Variants in HABP4 observed in about 807,000 individuals in gnomAD.
HABP4 encodes hyaluronan binding protein 4, also known as intracellular hyaluronan-binding protein 4.
A neutral mutation model predicts 44.1 loss-of-function variants in HABP4; 32 were observed. The ratio of observed to expected loss-of-function variants is 0.73; its 90% CI spans 0.55 to 0.97. The LOEUF is 0.97. HABP4 is among the 50% of genes least tolerant of loss of function. HABP4 has a pLI of 0.00. For synonymous variants in HABP4, 216 were observed against 218.0 expected (o/e 0.99, Z 0.08); for missense variants, 503 against 561.9 (o/e 0.90, Z 1.06).
chr9:96,465,598 C>G (rs1832586950), intron 3 of HABP4, 100 bp downstream of exon 3: 1 of 1,143,114 alleles, frequency 8.7e-7, no homozygotes, highest in Non-Finnish European at 1.3e-6. Flanking sequence ...TAGTACTGTG[C>G]TGTTATTCTT....
At chr9:96,473,914 C>T (rs1001938500) in intron 5 of HABP4, among the ~76,000 whole-genome samples, 2 of 152,216 alleles carry the variant, frequency 1.3e-5, no homozygotes, top group Non-Finnish European at 2.9e-5. Flanking sequence ...CCCAGCTCTG[C>T]CACTTACTAG....
chr9:96,467,760 A>G (rs1300723530), intron 4 of HABP4, among the ~76,000 whole-genome samples: 3 of 152,200 alleles, frequency 2.0e-5, no homozygotes, highest in Middle Eastern at 3.4e-3. Context: ...TCCTGACCTC[A>G]GGTGATCCAC....
rs994981638 is a variant in HABP4 at position 96,481,043 on chromosome 9, A to G, written c.828-3419A>G. On this transcript the variant is annotated intron_variant, in intron 5 of 7. Coordinates refer to ENST00000375249, the MANE Select transcript of HABP4 (RefSeq NM_014282.4). ...GAACCTTAAATTACATCAGCTCTTC[A>G]GTGAAGATACAGATTTGATTCCCCA... 2.0e-5 allele frequency among the ~76,000 whole-genome samples: 3 copies of G among 152,292 alleles called. No homozygotes were observed. The South Asian group carries it at 6.2e-4, about 32-fold the overall frequency.
chr9:96,473,190 AGGCCTGTGGCTCCATCTGCCTACTG>A (rs1464425250), intron 5 of HABP4, among the ~76,000 whole-genome samples: 2 of 152,188 alleles, frequency 1.3e-5, no homozygotes, highest in Non-Finnish European at 2.9e-5. Context: ...TGTGGGCTCC[AGGCCTGTGGCTCCATCTGCCTACTG>A]GACACTTTCC....
rs766457312 is a variant in HABP4 at position 96,450,271 on chromosome 9, CGCG to C, written c.-3_-1del. On this transcript the variant is annotated 5_prime_UTR_variant, in exon 1 of 8. Coordinates refer to ENST00000375249, the MANE Select transcript of HABP4 (RefSeq NM_014282.4). The surrounding 1 kb of genome is among the most constrained non-coding windows in gnomAD (Gnocchi z 4.8). ...GCTGCCCTCCCGGGCCCGCAGTGGT[CGCG>C]GCGGCATGAAGGGCGCTCTGGGGAG... 16 of 1,432,936 alleles carry C rather than the reference CGCG, an allele frequency of 1.1e-5. No individual in the cohort carries two copies. The Admixed American group carries it at 2.5e-4, about 22-fold the overall frequency. The allele number at this position is 1,432,936 out of a possible 1,614,324, so 88.8% of individuals were successfully genotyped here. A position where few individuals can be genotyped will look rare whatever the true frequency, so the allele number is the denominator to read the frequency against.
chr9:96,481,615 C>G (rs1049489361), intron 5 of HABP4, among the ~76,000 whole-genome samples: 7 of 151,770 alleles, frequency 4.6e-5, no homozygotes, highest in Non-Finnish European at 1.0e-4. Flanking sequence ...CCTGATGGCT[C>G]GTACCTGTAG....
chr9:96,458,586 G>T (rs376667874), intron 2 of HABP4, 45 bp downstream of exon 2: 2 of 1,314,074 alleles, frequency 1.5e-6, no homozygotes, highest in Non-Finnish European at 2.1e-6. Context: ...AACCAGAAAG[G>T]TTTTGAGAAA....
At chr9:96,487,792 T>C (rs1242329595) in intron 6 of HABP4, among the ~76,000 whole-genome samples, 4 of 152,242 alleles carry the variant, frequency 2.6e-5, no homozygotes, top group South Asian at 2.1e-4. Flanking sequence ...GCTCAGCTGA[T>C]AGAAATTTGG....
At chr9:96,456,771 AAAAAAAAAAATATATATATATATATATAT>A (rs1832388738) in intron 1 of HABP4, among the ~76,000 whole-genome samples, 1 of 70,740 alleles carries the variant, frequency 1.4e-5, no homozygotes, top group Non-Finnish European at 2.5e-5. Context: ...AAAAAAAAAA[AAAAAAAAAAATATATATATATATATATAT>A]ATATATATAT....
At chr9:96,472,555 G>C (rs140483287) in intron 5 of HABP4, among the ~76,000 whole-genome samples, 27 of 152,248 alleles carry the variant, frequency 1.8e-4, no homozygotes, top group South Asian at 4.1e-4. Flanking sequence ...TAACCATCGG[G>C]CTGCCATCCC....
intron 2 of HABP4, among the ~76,000 whole-genome samples, chr9:96,461,156 A>G (rs1173507426): frequency 6.6e-6 from 1 of 152,202 alleles, no homozygotes; most frequent in African/African-American, 2.4e-5. Context: ...GAAAACATAA[A>G]AAGTTCTGGA....
At chr9:96,480,585 T>C (rs1203785478) in intron 5 of HABP4, among the ~76,000 whole-genome samples, 2 of 152,236 alleles carry the variant, frequency 1.3e-5, no homozygotes, top group Admixed American at 6.5e-5. Flanking sequence ...ATCTTATATA[T>C]TCATTTTACA....
chr9:96,462,320 A>T (rs1304012430), intron 2 of HABP4, among the ~76,000 whole-genome samples: 1 of 149,920 alleles, frequency 6.7e-6, no homozygotes, highest in Non-Finnish European at 1.5e-5. Flanking sequence ...ATGTGGTGGC[A>T]CACGCCTGTG....
chr9:96,462,598 C>T (rs925153274), intron 2 of HABP4, among the ~76,000 whole-genome samples: 2 of 145,998 alleles, frequency 1.4e-5, no homozygotes, highest in Admixed American at 1.4e-4. Context: ...GGAGACAGAA[C>T]GAGACTCTGT....
chr9:96,489,192 G>A (rs1452647017), intron 7 of HABP4, among the ~76,000 whole-genome samples: 1 of 152,092 alleles, frequency 6.6e-6, no homozygotes, highest in African/African-American at 2.4e-5. Context: ...TTTGGGCGGG[G>A]GGTGTAGGGG....
upstream of HABP4, chr9:96,450,113 C>G (rs923476068): frequency 2.8e-4 from 171 of 608,850 alleles, no homozygotes; most frequent in Non-Finnish European, 3.5e-4. The surrounding 1 kb of genome is among the most constrained non-coding windows in gnomAD (Gnocchi z 4.8). Flanking sequence ...TCTGGCGCAG[C>G]GGGGCGGACG....
chr9:96,467,614 C>G (rs1564163115), intron 4 of HABP4, among the ~76,000 whole-genome samples: 1 of 151,248 alleles, frequency 6.6e-6, no homozygotes, highest in Non-Finnish European at 1.5e-5. Flanking sequence ...CAACTTCCAC[C>G]TCCCAGGTTC....
chr9:96,469,185 T>C (rs1353846001), intron 4 of HABP4, among the ~76,000 whole-genome samples: 1 of 152,250 alleles, frequency 6.6e-6, no homozygotes, highest in African/African-American at 2.4e-5. Context: ...CCATCTGCAA[T>C]AATTTAAAAA....
At position 96,473,339 on chromosome 9, in the gene HABP4, C is replaced by T. The variant is rs546390346; in HGVS notation, c.827+2245C>T. ...TCCAACTGTACAAACCAGAAACCTA[C>T]GAGTCATCCTTGGAACTTCTGTCTT... On this transcript the variant is annotated intron_variant, in intron 5 of 7. Transcript: ENST00000375249. 4.6e-5 allele frequency among the ~76,000 whole-genome samples: 7 copies of T among 152,302 alleles called. No homozygotes were observed. The East Asian group carries it at 7.7e-4, about 17-fold the overall frequency.
Sources: allele counts gnomAD v4.1 joint callset (sites outside exome capture counted in the v4.1 genomes callset), GRCh38; gene constraint gnomAD v4.1.1; non-coding constraint Gnocchi (gnomAD v3.1); transcripts MANE v1.5; gene names NCBI Gene and HGNC (gene_info 2026-07-23, HGNC 2026-07-21).